The following LAMA3 variants were observed in gnomAD, a reference collection of about 807,000 sequenced individuals.
The protein encoded by LAMA3 is laminin subunit alpha-3.
LAMA3 carries 281 observed loss-of-function variants against 402.0 expected under a neutral mutation model. That is an observed-to-expected ratio of 0.70 (90% CI 0.63 to 0.77). LAMA3 has a LOEUF of 0.77. Ranked by LOEUF, LAMA3 falls within the 30% of genes least tolerant of loss-of-function variation. LAMA3 has a pLI of 0.00. For missense variants in LAMA3, 3,840 were observed against 4,215.5 expected, an observed-to-expected ratio of 0.91 and a Z score of 2.47; for synonymous variants, 1,431 against 1,558.4, an observed-to-expected ratio of 0.92 and a Z score of 1.93.
chr18:23,883,040 G>T (rs1438265173), intron 40 of LAMA3, among the ~76,000 whole-genome samples: 1 of 152,224 alleles, frequency 6.6e-6, no homozygotes, highest in Non-Finnish European at 1.5e-5. Flanking sequence ...TCCTAGACAA[G>T]GATGAAACAG....
At chr18:23,790,416 AGT>A (rs942607618) in intron 12 of LAMA3, among the ~76,000 whole-genome samples, 1 of 152,108 alleles carries the variant, frequency 6.6e-6, no homozygotes, top group African/African-American at 2.4e-5. Context: ...ATCATCTATT[AGT>A]GTGTGTGTGT....
At chr18:23,755,664 A>T (rs2061829712) in intron 6 of LAMA3, among the ~76,000 whole-genome samples, 3 of 152,216 alleles carry the variant, frequency 2.0e-5, no homozygotes, top group Admixed American at 2.0e-4. Flanking sequence ...CTCAAATTTA[A>T]TTCTGAGCTT....
intron 2 of LAMA3, among the ~76,000 whole-genome samples, chr18:23,733,354 T>G (rs2061423625): frequency 6.6e-6 from 1 of 152,184 alleles, no homozygotes; most frequent in Admixed American, 6.5e-5. Context: ...CAGTTCCACA[T>G]GGCTAGGGAG....
At chr18:23,847,768 G>C (rs1598913444) in intron 32 of LAMA3, 100 bp downstream of exon 32, 11 of 1,264,262 alleles carry the variant, frequency 8.7e-6, no homozygotes, top group Non-Finnish European at 1.2e-5. Flanking sequence ...CACCTGTCCA[G>C]GGGTGCCCTG....
intron 54 of LAMA3, among the ~76,000 whole-genome samples, chr18:23,908,236 A>G (rs900656325): frequency 6.6e-6 from 1 of 152,178 alleles, no homozygotes; most frequent in Non-Finnish European, 1.5e-5. Context: ...AGAATCAGAA[A>G]ACAGGCTGTG....
rs45527536 is a variant in LAMA3 at position 23,839,794 on chromosome 18, T to C, written c.3201T>C (p.Cys1067=). ...ATATTCTATTTTTCAGTGCCACCTGTGTCTCCTTGGCCCATGAAACTCCTC... is the reference window on the plus strand; with the variant it reads ...ATATTCTATTTTTCAGTGCCACCTGCGTCTCCTTGGCCCATGAAACTCCTC... ...YGRFVNQSAT[C]VSLAHETPPT... is the part of the protein sequence containing the mutation. The change falls in exon 27 of 75, where the codon TGT becomes TGC. Residue 1067 remains cysteine (C), a synonymous_variant. Transcript: ENST00000313654. This position sits in a 1 kb window ranked among gnomAD's most constrained non-coding sequence, Gnocchi z 4.5. 1.2e-4 allele frequency: 193 copies of C among 1,614,076 alleles called. No homozygotes were observed. Among genetic ancestry groups the C allele is most frequent in the Non-Finnish European group, 1.5e-4 (180 of 1,180,014 alleles).
Position 23,773,454 on chromosome 18 carries a change from T to G in LAMA3, c.1183-43T>G, listed in dbSNP as rs1434308796. Reference sequence around the variant, plus strand: ...GTAGCACAAAATAAGGAGAATCGTCTTCCCCAGAACCCTTCCTTTAAGTTT... The same window carrying G: ...GTAGCACAAAATAAGGAGAATCGTCGTCCCCAGAACCCTTCCTTTAAGTTT... On this transcript the variant is annotated intron_variant, in intron 8 of 74. Transcript: ENST00000313654. 2.4e-6 allele frequency: 3 copies of G among 1,233,878 alleles called. No individual in the cohort carries two copies. In the South Asian group the frequency reaches 3.8e-5, roughly 16 times the overall value. 76.4% of individuals were successfully genotyped at this position (1,233,878 alleles called of 1,614,324 possible).
At chr18:23,753,580 CATG>C (rs2061789479) in intron 5 of LAMA3, 138 bp from the exon 6 acceptor site, 1 of 700,812 alleles carries the variant, frequency 1.4e-6, no homozygotes, top group Non-Finnish European at 2.7e-6. Flanking sequence ...TTTTATAAGA[CATG>C]TTACATCCCA....
At chr18:23,815,387 C>T in intron 16 of LAMA3, 81 bp from the exon 17 acceptor site, 2 of 1,383,614 alleles carry the variant, frequency 1.4e-6, no homozygotes, top group Non-Finnish European at 2.1e-6. Flanking sequence ...TCCTATTATA[C>T]AGTGAGGCAG....
intron 12 of LAMA3, among the ~76,000 whole-genome samples, chr18:23,807,781 T>C (rs1234249527): frequency 6.6e-6 from 1 of 152,204 alleles, no homozygotes; most frequent in Non-Finnish European, 1.5e-5. Context: ...AATGTTACTC[T>C]CATCTAAAAA....
chr18:23,783,039 G>T (rs1345756134), intron 11 of LAMA3, among the ~76,000 whole-genome samples: 1 of 152,098 alleles, frequency 6.6e-6, no homozygotes, highest in African/African-American at 2.4e-5. Context: ...CAATTGTGTG[G>T]GTTGGCTGGG....
intron 2 of LAMA3, among the ~76,000 whole-genome samples, chr18:23,742,818 T>A (rs2143445118): frequency 6.6e-6 from 1 of 152,340 alleles, no homozygotes; most frequent in African/African-American, 2.4e-5. Context: ...AAGTAAATTA[T>A]GAAATGCTAC....
chr18:23,760,034 A>C (rs906330360), intron 7 of LAMA3, among the ~76,000 whole-genome samples: 1 of 152,246 alleles, frequency 6.6e-6, no homozygotes, highest in Non-Finnish European at 1.5e-5. Context: ...ACACTGATTT[A>C]GGATATTTTT....
chr18:23,876,438 C>T (rs1238930844), intron 39 of LAMA3, 31 bp downstream of exon 39: 1 of 1,385,888 alleles, frequency 7.2e-7, no homozygotes, highest in Non-Finnish European at 1.0e-6. Context: ...ATGCTATCAG[C>T]AGACAATCTG....
chr18:23,779,259 T>C (rs1449200268), intron 11 of LAMA3, among the ~76,000 whole-genome samples: 2 of 149,042 alleles, frequency 1.3e-5, no homozygotes, highest in African/African-American at 5.1e-5. Flanking sequence ...TTGGGTCTAC[T>C]GTATTGAAAG....
rs2064121549 is a variant in LAMA3 at position 23,857,911 on chromosome 18, T to C, written c.4204T>C (p.Cys1402Arg). The C allele has an allele frequency of 1.2e-6, 2 of 1,614,156 alleles. No homozygotes were observed. The highest frequency in any genetic ancestry group is 1.1e-5 in the South Asian group (1 of 91,084). ...CASGFYRFPE[C>R]VPCNCNRDGT... ...TTCCGGGTTTTACCGCTTTCCTGAG[T>C]GTGTTCCCTGCAATTGCAACAGAGA... is the stretch of plus-strand genomic sequence containing the variant. The change falls in exon 33 of 75, where the codon TGT becomes CGT. Residue 1402 changes from cysteine (C) to arginine (R), a missense_variant. Around this residue, in one of 3 missense-constraint regions of LAMA3, gnomAD observed 2,109 missense variants for 2,376.0 expected, o/e 0.89. Transcript: ENST00000313654.
chr18:23,861,610 G>A, intron 34 of LAMA3, 36 bp from the exon 35 acceptor site: 1 of 1,613,682 alleles, frequency 6.2e-7, no homozygotes, highest in South Asian at 1.1e-5. Flanking sequence ...CCACGACCAA[G>A]ACGTTTCCAT....
At chr18:23,822,698 A>G (rs536302853) in intron 20 of LAMA3, among the ~76,000 whole-genome samples, 13 of 152,354 alleles carry the variant, frequency 8.5e-5, no homozygotes, top group African/African-American at 2.9e-4. Context: ...CGAGGGTGTC[A>G]CTTTTTTGGT....
intron 38 of LAMA3, chr18:23,873,330 G>A: frequency 4.3e-6 from 4 of 924,832 alleles, no homozygotes; most frequent in East Asian, 2.4e-5. Context: ...AGGGGCTGAT[G>A]GCCTCCCAGT....
Sources: allele counts gnomAD v4.1 joint callset (sites outside exome capture counted in the v4.1 genomes callset), GRCh38; gene constraint gnomAD v4.1.1; regional missense constraint gnomAD v4.1.1; non-coding constraint Gnocchi (gnomAD v3.1); transcripts MANE v1.5; gene names NCBI Gene and HGNC (gene_info 2026-07-23, HGNC 2026-07-21).